PANK1: variants seen among roughly 807,000 people sequenced by gnomAD.
PANK1 encodes pantothenate kinase 1.
In PANK1, 18 loss-of-function variants were observed where a neutral mutation model predicts 40.1. The ratio of observed to expected loss-of-function variants is 0.45; its 90% CI spans 0.31 to 0.67. The LOEUF (loss-of-function observed/expected upper bound fraction) is 0.67, where lower values mean the gene tolerates loss of function less well. Ranked by LOEUF, PANK1 falls within the 30% of genes least tolerant of loss-of-function variation. The probability of loss-of-function intolerance (pLI) is 0.06; values close to 1 mark genes in which losing one functional copy is unlikely to be tolerated. For missense variants in PANK1, 457 were observed against 599.6 expected (o/e 0.76, Z 2.48); for synonymous variants, 242 against 237.7 (o/e 1.02, Z -0.17).
At chr10:89,636,668 G>A (rs772881910) in intron 1 of PANK1, among the ~76,000 whole-genome samples, 3 of 151,480 alleles carry the variant, frequency 2.0e-5, no homozygotes, top group Non-Finnish European at 2.9e-5. Context: ...AGCCAGGATG[G>A]TCTCGATCTC....
At chr10:89,595,826 AAAAAAAAATATATATATATATATATAT>A (rs1564619876) in intron 3 of PANK1, among the ~76,000 whole-genome samples, 3 of 77,028 alleles carry the variant, frequency 3.9e-5, no homozygotes, top group Admixed American at 1.7e-4. Flanking sequence ...TAAAAAAAAA[AAAAAAAAATATATATATATATATATAT>A]ATATATATAT....
intron 1 of PANK1, among the ~76,000 whole-genome samples, chr10:89,641,137 C>T (rs1841956697): frequency 6.6e-6 from 1 of 152,174 alleles, no homozygotes; most frequent in African/African-American, 2.4e-5. Flanking sequence ...TTTGAACTTG[C>T]AATGTCTCTT....
chr10:89,586,019 C>T (rs541952866), intron 6 of PANK1, among the ~76,000 whole-genome samples: 9 of 152,326 alleles, frequency 5.9e-5, no homozygotes, highest in Admixed American at 2.0e-4. Flanking sequence ...TAGGATTGTA[C>T]AGGGTGATAT....
At chr10:89,638,551 T>A (rs1056127580) in intron 1 of PANK1, among the ~76,000 whole-genome samples, 5 of 152,252 alleles carry the variant, frequency 3.3e-5, no homozygotes, top group Non-Finnish European at 7.3e-5. Context: ...TTTTTAATTA[T>A]AAATTTTATC....
At chr10:89,641,732 A>T (rs1417220670) in intron 1 of PANK1, among the ~76,000 whole-genome samples, 1 of 143,404 alleles carries the variant, frequency 7.0e-6, no homozygotes, top group Non-Finnish European at 1.5e-5. Flanking sequence ...AATCCGTCTC[A>T]AAATAAATAA....
intron 1 of PANK1, among the ~76,000 whole-genome samples, chr10:89,633,532 ATT>A (rs5786877): frequency 6.7e-6 from 1 of 150,368 alleles, no homozygotes; most frequent in South Asian, 2.1e-4. Context: ...CAGCCCTTTA[ATT>A]TTTTTTTTTA....
At chr10:89,598,792 A>T (rs201594763) in intron 3 of PANK1, among the ~76,000 whole-genome samples, 3 of 116,746 alleles carry the variant, frequency 2.6e-5, no homozygotes, top group African/African-American at 8.1e-5. Flanking sequence ...CATTTGGCTG[A>T]GGGTAAAAAA....
chr10:89,608,222 G>A (rs1177518050), intron 2 of PANK1, among the ~76,000 whole-genome samples: 3 of 151,872 alleles, frequency 2.0e-5, no homozygotes, highest in East Asian at 1.9e-4. Context: ...TAGTAGAGGC[G>A]GGGTTTCACC....
At chr10:89,587,938 G>A (rs573275910) in intron 6 of PANK1, among the ~76,000 whole-genome samples, 1 of 152,108 alleles carries the variant, frequency 6.6e-6, no homozygotes, top group Non-Finnish European at 1.5e-5. Context: ...TTTCTTTGGT[G>A]AGAACATTTG....
chr10:89,611,522 C>A (rs921742477), intron 2 of PANK1, among the ~76,000 whole-genome samples, 174 bp downstream of exon 2: 1 of 152,172 alleles, frequency 6.6e-6, no homozygotes, highest in African/African-American at 2.4e-5. Context: ...TGTAACAACC[C>A]TATGAGGTAG....
At position 89,644,778 on chromosome 10, in the gene PANK1, C is replaced by G. The variant is rs1016233211; in HGVS notation, c.114G>C (p.Pro38=). The change falls in exon 1 of 7, where the codon CCG becomes CCC. Residue 38 remains proline (P), a synonymous_variant. Coordinates refer to ENST00000307534, the MANE Select transcript of PANK1 (RefSeq NM_148977.3). ...NGLLHNGFHP[P]PVQPPHVCSR... ...TGCAGACGTGCGGCGGCTGGACTGG[C>G]GGCGGATGGAAGCCGTTGTGCAGCA... 30 of 1,497,466 alleles carry G rather than the reference C, an allele frequency of 2.0e-5. No homozygotes were observed. The highest frequency in any genetic ancestry group is 2.5e-5 in the Non-Finnish European group (28 of 1,130,742). 92.8% of individuals were successfully genotyped at this position (1,497,466 alleles called of 1,614,324 possible).
At chr10:89,638,350 A>G (rs1370809106) in intron 1 of PANK1, among the ~76,000 whole-genome samples, 2 of 152,188 alleles carry the variant, frequency 1.3e-5, no homozygotes, top group African/African-American at 2.4e-5. Context: ...AGCACCAGTA[A>G]TTTCCAAAAT....
intron 1 of PANK1, among the ~76,000 whole-genome samples, chr10:89,639,975 T>C (rs4934490): frequency 0.77 from 117,471 of 152,192 alleles, 45,554 homozygotes; most frequent in South Asian, 0.93. Context: ...AACACACTTT[T>C]TTTTCCCAAC....
At chr10:89,641,772 T>A (rs924906860) in intron 1 of PANK1, among the ~76,000 whole-genome samples, 4 of 132,382 alleles carry the variant, frequency 3.0e-5, no homozygotes, top group African/African-American at 1.1e-4. Flanking sequence ...AATAAATAAA[T>A]AAAATAAAAA....
chr10:89,599,051 A>G, intron 3 of PANK1: 1 of 542,624 alleles, frequency 1.8e-6, no homozygotes, highest in South Asian at 2.6e-5. Flanking sequence ...CAAAGTTTCT[A>G]TCAAGGCAAG....
chr10:89,584,470 G>A lies in PANK1; in HGVS notation c.1327-5C>T, dbSNP rs752790910. 8.2e-6 allele frequency: 13 copies of A among 1,594,436 alleles called. No homozygotes were observed. The highest frequency in any genetic ancestry group is 1.3e-5 in the African/African-American group (1 of 74,608). Reference sequence around the variant, plus strand: ...CCCAACGGCTCCAAAATAACCCTACGAAAACAATACAAAACGATGATCTCT... The same window carrying A: ...CCCAACGGCTCCAAAATAACCCTACAAAAACAATACAAAACGATGATCTCT... On this transcript the variant is annotated splice_polypyrimidine_tract_variant and splice_region_variant and intron_variant, in intron 6 of 6. Coordinates refer to ENST00000307534, the MANE Select transcript of PANK1 (RefSeq NM_148977.3).
intron 2 of PANK1, among the ~76,000 whole-genome samples, chr10:89,599,908 C>A (rs1844725573): frequency 6.6e-6 from 1 of 151,686 alleles, no homozygotes; most frequent in African/African-American, 2.4e-5. Flanking sequence ...TGGGGTGGGC[C>A]CTGAGTCCAA....
intron 2 of PANK1, among the ~76,000 whole-genome samples, chr10:89,606,897 T>C (rs1336443815): frequency 6.6e-6 from 1 of 152,236 alleles, no homozygotes; most frequent in Admixed American, 6.5e-5. Flanking sequence ...AGGGCCTTGC[T>C]CTGGATTAGA....
At chr10:89,632,710 GT>G (rs1841687805) in intron 1 of PANK1, among the ~76,000 whole-genome samples, 1 of 152,152 alleles carries the variant, frequency 6.6e-6, no homozygotes, top group Non-Finnish European at 1.5e-5. Flanking sequence ...TGATGGAATT[GT>G]TAACACCTGC....
Sources: gnomAD v4.1 joint callset for allele counts (sites outside exome capture counted in the v4.1 genomes callset) on GRCh38, gnomAD v4.1.1 for gene constraint, MANE v1.5 for transcripts, NCBI Gene and HGNC (gene_info 2026-07-23, HGNC 2026-07-21) for gene names.